Variants in CDH4 observed in about 807,000 individuals in gnomAD.
The protein encoded by CDH4 is cadherin-4.
Under a neutral mutation model 86.0 loss-of-function variants are expected in CDH4, and 33 were observed. That is an observed-to-expected ratio of 0.38 (90% CI 0.29 to 0.51). CDH4 has a LOEUF of 0.51. CDH4 is among the 20% of genes least tolerant of loss of function. The probability of loss-of-function intolerance (pLI) is 0.86; values close to 1 mark genes in which losing one functional copy is unlikely to be tolerated. For missense variants in CDH4, 1,114 were observed against 1,307.4 expected, an observed-to-expected ratio of 0.85 and a Z score of 2.28; for synonymous variants, 555 against 549.4, an observed-to-expected ratio of 1.01 and a Z score of -0.14.
In CDH4 at chr20:61,268,260, G is replaced by C. The variant is rs1207663812; in HGVS notation, c.169+13323G>C. Among the ~76,000 whole-genome samples the C allele has an allele frequency of 3.3e-5, 5 of 152,202 alleles. No homozygotes were observed. In the East Asian group the frequency reaches 9.7e-4, roughly 29 times the overall value. ...CTCTCCAGCATGGATCCCGAGGAGG[G>C]GCTCCAGGCCGAGGAGAGGAGAAGG... On this transcript the variant is annotated intron_variant, in intron 2 of 15. Transcript: ENST00000614565.
intron 2 of CDH4, among the ~76,000 whole-genome samples, chr20:61,452,902 C>A (rs975789168): frequency 6.6e-6 from 1 of 152,168 alleles, no homozygotes; most frequent in African/African-American, 2.4e-5. Context: ...TACACCACAG[C>A]CCTGGGTTCT....
At position 61,403,863 on chromosome 20, in the gene CDH4, C is replaced by A. The variant is rs369590518; in HGVS notation, c.169+148926C>A. ...TGGAATAGCTTGTCCCCTTTGTCTA[C>A]ATACAGGGAGAAAATGTCTGGCAGG... On this transcript the variant is annotated intron_variant, in intron 2 of 15. Transcript: ENST00000614565. Among the ~76,000 whole-genome samples the A allele has an allele frequency of 3.3e-4, 51 of 152,328 alleles. 1 individual carries two copies. In the Middle Eastern group the frequency reaches 0.01, roughly 30 times the overall value.
intron 2 of CDH4, among the ~76,000 whole-genome samples, chr20:61,472,183 C>G (rs1283117571): frequency 6.6e-6 from 1 of 152,156 alleles, no homozygotes; most frequent in African/African-American, 2.4e-5. Flanking sequence ...TCTGGGTGAT[C>G]CCTTGTTGGG....
At chr20:61,876,900 T>G (rs1354699338) in intron 7 of CDH4, among the ~76,000 whole-genome samples, 1 of 152,186 alleles carries the variant, frequency 6.6e-6, no homozygotes, top group African/African-American at 2.4e-5. Context: ...TGTGATATTT[T>G]CCAGGCTGAA....
At chr20:61,486,670 G>A (rs771708914) in intron 2 of CDH4, among the ~76,000 whole-genome samples, 7 of 152,098 alleles carry the variant, frequency 4.6e-5, no homozygotes, top group Middle Eastern at 3.2e-3. Flanking sequence ...TGGGAGGTTC[G>A]CTTGAGTCTA....
chr20:61,399,118 A>AC (rs2085034925), intron 2 of CDH4, among the ~76,000 whole-genome samples: 1 of 97,016 alleles, frequency 1.0e-5, no homozygotes, highest in African/African-American at 4.7e-5. Flanking sequence ...GGAAAAACCC[A>AC]CTTTTTTTTT....
intron 2 of CDH4, among the ~76,000 whole-genome samples, chr20:61,487,026 G>T (rs2085600493): frequency 6.6e-6 from 1 of 152,162 alleles, no homozygotes; most frequent in Admixed American, 6.6e-5. Context: ...CACAGTCAAG[G>T]TCAGCTAGAT....
chr20:61,453,793 A>G (rs2085392567), intron 2 of CDH4, among the ~76,000 whole-genome samples: 1 of 152,196 alleles, frequency 6.6e-6, no homozygotes, highest in Non-Finnish European at 1.5e-5. Flanking sequence ...TAGTTCCCAT[A>G]ATCCCCACAT....
chr20:61,837,571 C>T (rs1033713443), intron 4 of CDH4, among the ~76,000 whole-genome samples: 7 of 152,076 alleles, frequency 4.6e-5, no homozygotes, highest in Non-Finnish European at 1.0e-4. Context: ...GAATTCCAGG[C>T]GTGGAGGGTA....
intron 6 of CDH4, among the ~76,000 whole-genome samples, chr20:61,853,683 T>TG (rs2146115062): frequency 6.6e-6 from 1 of 152,268 alleles, no homozygotes; most frequent in Non-Finnish European, 1.5e-5. Context: ...GGTTAGAACC[T>TG]GGGTGTCCAC....
rs1227696412 is a variant in CDH4, at chr20:61,584,938, CA to C, written c.170-158624del. ...TCTGAATGGAGCCTGCTCCTAGGAG[CA>C]GGGGCATTTCCCTGGAAAGCCATCG... is the stretch of plus-strand genomic sequence containing the variant. On this transcript the variant is annotated intron_variant, in intron 2 of 15. Transcript: ENST00000614565. Among the ~76,000 whole-genome samples, 4 of 152,304 alleles carry C rather than the reference CA, an allele frequency of 2.6e-5. No individual in the cohort carries two copies. The East Asian group carries it at 7.8e-4, about 30-fold the overall frequency.
intron 2 of CDH4, among the ~76,000 whole-genome samples, chr20:61,554,836 CTG>C (rs11468858): frequency 0.012 from 1,871 of 152,336 alleles, 12 homozygotes; most frequent in Non-Finnish European, 0.016. Context: ...ATGTTCGCAT[CTG>C]TGCATGTATG....
At chr20:61,614,950 C>G (rs1418616121) in intron 2 of CDH4, among the ~76,000 whole-genome samples, 1 of 152,030 alleles carries the variant, frequency 6.6e-6, no homozygotes, top group East Asian at 1.9e-4. Context: ...CCCTGCTGTC[C>G]AGGTTTCATG....
At position 61,605,311 on chromosome 20, in the gene CDH4, G is replaced by A. The variant is rs140969481; in HGVS notation, c.170-138252G>A. ...GCTGCCTGTGGGGTGGGTCCTTGGTGGGGCCCACTCTGCCTCTCTCTCTCT... is the reference window on the plus strand; with the variant it reads ...GCTGCCTGTGGGGTGGGTCCTTGGTAGGGCCCACTCTGCCTCTCTCTCTCT... On this transcript the variant is annotated intron_variant, in intron 2 of 15. Transcript: ENST00000614565. Among the ~76,000 whole-genome samples the A allele has an allele frequency of 2.4e-3, 338 of 140,420 alleles. 1 individual carries two copies. Among genetic ancestry groups the A allele is most frequent in the Admixed American group, 4.9e-3 (65 of 13,392 alleles). The allele number at this position is 140,420 out of a possible 152,430, so 92.1% of individuals were successfully genotyped here.
chr20:61,330,019 G>T (rs1222441838), intron 2 of CDH4, among the ~76,000 whole-genome samples: 2 of 152,218 alleles, frequency 1.3e-5, no homozygotes, highest in South Asian at 2.1e-4. Context: ...ACATGATCTT[G>T]TTCCTTTTTA....
At chr20:61,877,631 C>G (rs1984090789) in intron 7 of CDH4, among the ~76,000 whole-genome samples, 2 of 152,150 alleles carry the variant, frequency 1.3e-5, no homozygotes, top group Non-Finnish European at 2.9e-5. Flanking sequence ...CCGTGTCTTC[C>G]TCTTCCAGGG....
chr20:61,693,654 A>G (rs981050164), intron 2 of CDH4, among the ~76,000 whole-genome samples: 28 of 152,284 alleles, frequency 1.8e-4, no homozygotes, highest in Middle Eastern at 3.4e-3. Context: ...TGGAATTTTC[A>G]GCCTTCCTGA....
At chr20:61,706,294 T>C (rs975474060) in intron 2 of CDH4, among the ~76,000 whole-genome samples, 1 of 151,936 alleles carries the variant, frequency 6.6e-6, no homozygotes, top group Non-Finnish European at 1.5e-5. Context: ...GTGTGTTTAC[T>C]AAAGGGGGCT....
intron 7 of CDH4, among the ~76,000 whole-genome samples, chr20:61,880,509 G>A (rs1227225074): frequency 6.6e-6 from 1 of 152,208 alleles, no homozygotes; most frequent in East Asian, 1.9e-4. Context: ...GGGAAGGACA[G>A]CGGTGAGAAG....
Sources: gnomAD v4.1 joint callset for allele counts (sites outside exome capture counted in the v4.1 genomes callset) on GRCh38, gnomAD v4.1.1 for gene constraint, MANE v1.5 for transcripts, NCBI Gene and HGNC (gene_info 2026-07-23, HGNC 2026-07-21) for gene names.